Variants in SHC3 observed in about 807,000 individuals in gnomAD.
The protein encoded by SHC3 is SHC-transforming protein 3.
In SHC3, 15 loss-of-function variants were observed where a neutral mutation model predicts 60.4. That is an observed-to-expected ratio of 0.25 (90% CI 0.17 to 0.38). SHC3 has a LOEUF of 0.38. Among genes scored for constraint, SHC3 ranks in the 10% least tolerant of loss-of-function variants. SHC3 has a pLI of 1.00. For missense variants in SHC3, 677 were observed against 786.1 expected, an observed-to-expected ratio of 0.86 and a Z score of 1.66; for synonymous variants, 294 against 325.9, an observed-to-expected ratio of 0.90 and a Z score of 1.05.
intron 5 of SHC3, among the ~76,000 whole-genome samples, chr9:89,067,021 T>TC (rs931534968): frequency 2.3e-4 from 35 of 152,316 alleles, no homozygotes; most frequent in African/African-American, 7.9e-4. Context: ...TGGTGCTGCT[T>TC]CCCCGGTCAT....
chr9:89,092,615 CAAAAAAA>C (rs59133401), intron 2 of SHC3, among the ~76,000 whole-genome samples: 7 of 67,856 alleles, frequency 1.0e-4, no homozygotes, highest in East Asian at 6.0e-4. Context: ...GACTCTGTCT[CAAAAAAA>C]AAAAAAAAAA....
At position 89,011,064 on chromosome 9, in the gene SHC3, C is replaced by T. The variant is rs944482; in HGVS notation, c.*2383G>A. 0.88 allele frequency: 134,253 copies of T among 152,302 alleles called. 59,611 individuals are homozygous for T. Among genetic ancestry groups the T allele is most frequent in the Non-Finnish European group, 0.93 (63,230 of 68,048 alleles). The allele number at this position is 152,302 out of a possible 1,614,324, so 9.4% of individuals were successfully genotyped here. A position where few individuals can be genotyped will look rare whatever the true frequency, so the allele number is the denominator to read the frequency against. On this transcript the variant is annotated 3_prime_UTR_variant, in exon 12 of 12. Transcript: ENST00000375835. ...TGGGAGGGAACAAAGATTAGAAAATCGCTGCCATCTGCTATGTCTGAAGCC... is the reference window on the plus strand; with the variant it reads ...TGGGAGGGAACAAAGATTAGAAAATTGCTGCCATCTGCTATGTCTGAAGCC...
chr9:89,169,916 A>T (rs1826844277), intron 1 of SHC3, among the ~76,000 whole-genome samples: 1 of 152,186 alleles, frequency 6.6e-6, no homozygotes, highest in African/African-American at 2.4e-5. Context: ...ACCTTGCAAG[A>T]CAGGCAGGGC....
At chr9:89,164,592 C>A (rs1017777761) in intron 1 of SHC3, among the ~76,000 whole-genome samples, 3 of 151,868 alleles carry the variant, frequency 2.0e-5, no homozygotes, top group African/African-American at 7.3e-5. Flanking sequence ...GCAAGGCAAG[C>A]AAGCAGCAGA....
intron 2 of SHC3, among the ~76,000 whole-genome samples, chr9:89,104,838 A>G (rs1397909428): frequency 1.3e-5 from 2 of 150,536 alleles, no homozygotes; most frequent in African/African-American, 2.4e-5. Context: ...TGTTTTCTAT[A>G]AATTATTCAT....
At chr9:89,154,906 G>T (rs969995242) in intron 1 of SHC3, among the ~76,000 whole-genome samples, 4 of 152,184 alleles carry the variant, frequency 2.6e-5, no homozygotes, top group African/African-American at 9.7e-5. Flanking sequence ...AATACATATT[G>T]GTATTATGGC....
At chr9:89,064,018 G>T (rs1032324964) in intron 6 of SHC3, among the ~76,000 whole-genome samples, 2 of 152,208 alleles carry the variant, frequency 1.3e-5, no homozygotes, top group African/African-American at 4.8e-5. Flanking sequence ...CCCTCTTCCT[G>T]GTTTGCAGAC....
At chr9:89,074,685 C>T (rs1233694810) in intron 4 of SHC3, among the ~76,000 whole-genome samples, 1 of 50,016 alleles carries the variant, frequency 2.0e-5, no homozygotes, top group Non-Finnish European at 3.6e-5. Flanking sequence ...CAATGAGCCA[C>T]TAAAGCAAAA....
At chr9:89,145,962 C>CA (rs1826462162) in intron 1 of SHC3, among the ~76,000 whole-genome samples, 1 of 152,128 alleles carries the variant, frequency 6.6e-6, no homozygotes, top group Non-Finnish European at 1.5e-5. Context: ...ACAAACTTCT[C>CA]ATCAGCAACT....
At chr9:89,051,171 A>G (rs1408094022) in intron 7 of SHC3, among the ~76,000 whole-genome samples, 1 of 152,188 alleles carries the variant, frequency 6.6e-6, no homozygotes, top group Non-Finnish European at 1.5e-5. Flanking sequence ...GGCATAGAAG[A>G]ATGTGGCTTT....
In SHC3 at chr9:89,178,314, G is replaced by A. The variant is rs781470562; in HGVS notation, c.147C>T (p.Ser49=). Residue 49 remains serine, a synonymous_variant, in exon 1 of 12, where the codon TCC becomes TCT. Transcript: ENST00000375835. The surrounding 1 kb of genome is among the most constrained non-coding windows in gnomAD (Gnocchi z 6.9). ...CGGGCGCCTTGCGCAGCGCCTCGCC[G>A]GACACCAAGTAGGGAGCCGCCGCCG... ...ATPAAAPYLV[S]GEALRKAPDD... The A allele has an allele frequency of 1.1e-5, 17 of 1,590,584 alleles. No individual in the cohort carries two copies. Among genetic ancestry groups the A allele is most frequent in the African/African-American group, 1.4e-5 (1 of 72,408 alleles).
In SHC3 at chr9:89,094,762, G is replaced by T. The variant is rs184985613; in HGVS notation, c.546-16859C>A. On this transcript the variant is annotated intron_variant, in intron 2 of 11. Coordinates refer to ENST00000375835, the MANE Select transcript of SHC3 (RefSeq NM_016848.6). The stretch of plus-strand genomic sequence containing the variant: ...TGGTGAGGTCAGTTTGGGACGCCTG[G>T]CATTACAGTCACGAGCAAACACCCA... Among the ~76,000 whole-genome samples, 8 of 152,232 alleles carry T rather than the reference G, an allele frequency of 5.3e-5. No individual in the cohort carries two copies. The East Asian group carries it at 1.5e-3, about 29-fold the overall frequency.
intron 11 of SHC3, among the ~76,000 whole-genome samples, chr9:89,036,397 C>A (rs979187199): frequency 2.6e-5 from 4 of 152,170 alleles, no homozygotes; most frequent in African/African-American, 9.7e-5. Context: ...TGCTGGTGTG[C>A]GCCTTAGTAG....
At chr9:89,109,222 A>T (rs1245837489) in intron 2 of SHC3, 16 of 885,580 alleles carry the variant, frequency 1.8e-5, no homozygotes, top group Non-Finnish European at 2.2e-5. Flanking sequence ...CTTGTGATTA[A>T]AGGTCCATGC....
chr9:89,167,853 C>T lies in SHC3; in HGVS notation c.474+10134G>A, dbSNP rs576302872. 2.6e-5 allele frequency among the ~76,000 whole-genome samples: 4 copies of T among 152,336 alleles called. No individual in the cohort carries two copies. In the East Asian group the frequency reaches 7.7e-4, roughly 29 times the overall value. On this transcript the variant is annotated intron_variant, in intron 1 of 11. Transcript: ENST00000375835. The stretch of plus-strand genomic sequence containing the variant: ...AACACCTTGATACAGAAGCGTGTTT[C>T]CCCTCCTGGGTGCCTCTGCCTCTGG...
intron 1 of SHC3, among the ~76,000 whole-genome samples, chr9:89,145,011 G>T (rs1826448113): frequency 6.6e-6 from 1 of 152,142 alleles, no homozygotes; most frequent in Non-Finnish European, 1.5e-5. Context: ...ATGATGGAGA[G>T]AATTTTTTTT....
At chr9:89,084,403 T>C (rs954382461) in intron 2 of SHC3, among the ~76,000 whole-genome samples, 2 of 152,206 alleles carry the variant, frequency 1.3e-5, no homozygotes, top group Non-Finnish European at 2.9e-5. Flanking sequence ...GAAAAGAGGT[T>C]CCTAAACCAT....
chr9:89,147,295 C>G (rs1012479869), intron 1 of SHC3, among the ~76,000 whole-genome samples: 1 of 152,142 alleles, frequency 6.6e-6, no homozygotes, highest in African/African-American at 2.4e-5. Flanking sequence ...TAGTGAGGTT[C>G]TACATTCACT....
In SHC3 at chr9:89,008,586, A is replaced by G. The variant is rs1825975184; in HGVS notation, c.*4861T>C. 6.6e-6 allele frequency: 1 copy of G among 152,106 alleles called. No homozygotes were observed. Among genetic ancestry groups the G allele is most frequent in the Admixed American group, 6.6e-5 (1 of 15,266 alleles). The allele number at this position is 152,106 out of a possible 1,614,324, so 9.4% of individuals were successfully genotyped here. The stretch of plus-strand genomic sequence containing the variant: ...AGGGTGGTTCTGATGCCTGCCTTCC[A>G]CTCGAAGTCTGCTTGTCACGAACGC... On this transcript the variant is annotated 3_prime_UTR_variant, in exon 12 of 12. Coordinates refer to ENST00000375835, the MANE Select transcript of SHC3 (RefSeq NM_016848.6).
Sources: allele counts gnomAD v4.1 joint callset (sites outside exome capture counted in the v4.1 genomes callset), GRCh38; gene constraint gnomAD v4.1.1; non-coding constraint Gnocchi (gnomAD v3.1); transcripts MANE v1.5; gene names NCBI Gene and HGNC (gene_info 2026-07-23, HGNC 2026-07-21).